Variants in MIOS observed in about 807,000 individuals in gnomAD.
The protein encoded by MIOS is meiosis regulator for oocyte development.
In MIOS, 52 loss-of-function variants were observed where a neutral mutation model predicts 96.9. The observed-to-expected ratio is 0.54, with a 90% confidence interval of 0.43 to 0.68. The LOEUF is 0.68. Ranked by LOEUF, MIOS falls within the 30% of genes least tolerant of loss-of-function variation. The probability of loss-of-function intolerance (pLI) is 0.00; values close to 1 mark genes in which losing one functional copy is unlikely to be tolerated. For missense variants in MIOS, 1,005 were observed against 1,052.8 expected (o/e 0.95, Z 0.63); for synonymous variants, 397 against 359.5 (o/e 1.10, Z -1.18).
intron 3 of MIOS, among the ~76,000 whole-genome samples, chr7:7,569,449 G>A (rs1335533926): frequency 6.6e-6 from 1 of 152,172 alleles, no homozygotes; most frequent in Admixed American, 6.5e-5. Flanking sequence ...TTTAAATCTT[G>A]GCCGGAGCCA....
intron 5 of MIOS, chr7:7,581,710 C>G (rs755696660): frequency 4.6e-5 from 7 of 152,218 alleles, no homozygotes; most frequent in Non-Finnish European, 7.3e-5. Flanking sequence ...TTCACAGTTC[C>G]TTGCCACGTG....
chr7:7,568,942 A>G (rs1358737532), intron 3 of MIOS, among the ~76,000 whole-genome samples: 1 of 152,246 alleles, frequency 6.6e-6, no homozygotes, highest in Admixed American at 6.5e-5. Flanking sequence ...ATGTAAATCA[A>G]AGTTTTAAAT....
intron 5 of MIOS, among the ~76,000 whole-genome samples, chr7:7,579,984 A>G (rs568599005): frequency 7.9e-5 from 12 of 152,372 alleles, no homozygotes; most frequent in African/African-American, 2.9e-4. Flanking sequence ...TTGAGAAATT[A>G]GAATATTATT....
intron 9 of MIOS, among the ~76,000 whole-genome samples, chr7:7,593,632 G>A (rs533448027): frequency 6.6e-6 from 1 of 151,958 alleles, no homozygotes. Flanking sequence ...GGTGACTCAT[G>A]CGTGTAATCC....
chr7:7,577,460 G>C (rs1207116938), intron 5 of MIOS, among the ~76,000 whole-genome samples: 2 of 152,190 alleles, frequency 1.3e-5, no homozygotes, highest in Non-Finnish European at 2.9e-5. Context: ...AAGATACGCA[G>C]TAGGAGGAGA....
At chr7:7,592,003 CAG>C (rs1784062502) in intron 9 of MIOS, among the ~76,000 whole-genome samples, 1 of 144,912 alleles carries the variant, frequency 6.9e-6, no homozygotes, top group East Asian at 2.0e-4. Context: ...TTTTTTAAGA[CAG>C]AGTCTTGCTG....
chr7:7,600,799 T>C (rs1485512862), intron 11 of MIOS, among the ~76,000 whole-genome samples: 1 of 152,166 alleles, frequency 6.6e-6, no homozygotes, highest in Non-Finnish European at 1.5e-5. Context: ...TTTTCCAAAA[T>C]TGACCACATA....
At position 7,601,512 on chromosome 7, in the gene MIOS, A is replaced by T. The variant is rs1289579765; in HGVS notation, c.2402-4430A>T. ...TCCTGGACACATACACCCTCCCAAGACTAAACCAGGAAGAAGTTGAATCTC... is the reference window on the plus strand; with the variant it reads ...TCCTGGACACATACACCCTCCCAAGTCTAAACCAGGAAGAAGTTGAATCTC... On this transcript the variant is annotated intron_variant, in intron 11 of 12. Transcript: ENST00000340080. Among the ~76,000 whole-genome samples, 18 of 152,316 alleles carry T rather than the reference A, an allele frequency of 1.2e-4. 1 individual carries two copies. The highest frequency in any genetic ancestry group is 4.1e-4 in the African/African-American group (17 of 41,564).
intron 9 of MIOS, among the ~76,000 whole-genome samples, chr7:7,593,119 A>T (rs1784097304): frequency 6.6e-6 from 1 of 152,306 alleles, no homozygotes; most frequent in South Asian, 2.1e-4. Flanking sequence ...TTCTTGCCAT[A>T]TAAGGGGAAA....
At chr7:7,595,163 T>G (rs773103468) in intron 10 of MIOS, 31 bp downstream of exon 10, 3 of 1,585,464 alleles carry the variant, frequency 1.9e-6, no homozygotes, top group South Asian at 2.3e-5. Context: ...AAAATCAAAT[T>G]GTAACATGTT....
chr7:7,589,875 A>G (rs1376813017), intron 9 of MIOS, among the ~76,000 whole-genome samples: 1 of 152,220 alleles, frequency 6.6e-6, no homozygotes, highest in East Asian at 1.9e-4. Context: ...CATCTTCTAC[A>G]AGAAAGATTG....
chr7:7,606,185 T>C, intron 12 of MIOS, 114 bp downstream of exon 12: 1 of 1,346,556 alleles, frequency 7.4e-7, no homozygotes. Context: ...AATTTTATTT[T>C]TTACTGTCAC....
At position 7,608,369 on chromosome 7, in the gene MIOS, C is replaced by T. The variant is rs1036917775; in HGVS notation, c.*1277C>T. The T allele has an allele frequency of 1.3e-5, 2 of 151,846 alleles. No individual in the cohort carries two copies. The allele number at this position is 151,846 out of a possible 1,614,324, so 9.4% of individuals were successfully genotyped here. ...AGAGCTTTCGTATTAGCAGTTTTGC[C>T]TTATAAAAACTAAGATTTGTCAGAT... On this transcript the variant is annotated 3_prime_UTR_variant, in exon 13 of 13. Coordinates refer to ENST00000340080, the MANE Select transcript of MIOS (RefSeq NM_019005.4).
chr7:7,600,023 G>A (rs900653653), intron 11 of MIOS, among the ~76,000 whole-genome samples: 1 of 152,058 alleles, frequency 6.6e-6, no homozygotes, highest in Non-Finnish European at 1.5e-5. Flanking sequence ...TTACTGGAGG[G>A]TGCTAGGTGG....
chr7:7,576,587 G>C (rs1472471064), intron 5 of MIOS, among the ~76,000 whole-genome samples: 1 of 152,128 alleles, frequency 6.6e-6, no homozygotes, highest in East Asian at 1.9e-4. Context: ...GAGGAAGTGA[G>C]GAAAGAATGG....
chr7:7,572,381 G>GT lies in MIOS; in HGVS notation c.-40-54dup. 2 of 888,824 alleles carry GT rather than the reference G, an allele frequency of 2.3e-6. No homozygotes were observed. Among genetic ancestry groups the GT allele is most frequent in the East Asian group, 2.7e-5 (1 of 36,826 alleles). 55.1% of individuals were successfully genotyped at this position (888,824 alleles called of 1,614,324 possible). ...TGACTTTCTGAATAGTTTATTCAACGTAAGAATTATATTTTGCTGATATTT... is the reference window on the plus strand; with the variant it reads ...TGACTTTCTGAATAGTTTATTCAACGTTAAGAATTATATTTTGCTGATATTT... On this transcript the variant is annotated intron_variant, in intron 3 of 12. Coordinates refer to ENST00000340080, the MANE Select transcript of MIOS (RefSeq NM_019005.4). This position sits in a 1 kb window ranked among gnomAD's most constrained non-coding sequence, Gnocchi z 4.8.
At chr7:7,578,045 T>G (rs1410885217) in intron 5 of MIOS, among the ~76,000 whole-genome samples, 2 of 151,930 alleles carry the variant, frequency 1.3e-5, no homozygotes, top group African/African-American at 4.8e-5. Flanking sequence ...TATAAGGAAG[T>G]GAGATTTTTG....
chr7:7,597,517 T>TATATATATATATATATAAA (rs372634070), intron 11 of MIOS, among the ~76,000 whole-genome samples: 6 of 70,426 alleles, frequency 8.5e-5, no homozygotes, highest in Non-Finnish European at 1.4e-4. Flanking sequence ...TATATATATA[T>TATATATATATATATATAAA]GAAGGCAATA....
Position 7,605,955 on chromosome 7 carries a change from A to G in MIOS, c.2415A>G (p.Ser805=), listed in dbSNP as rs1172441638. Reference sequence around the variant, plus strand: ...ATTTTGTCATAGGAGGAACCAAATCAGATGAAAAAGTGGACTTGAGCAAGG... The same window carrying G: ...ATTTTGTCATAGGAGGAACCAAATCGGATGAAAAAGTGGACTTGAGCAAGG... ...PVSSCPGGTK[S]DEKVDLSKDK... Residue 805 remains serine (S), a synonymous_variant, in exon 12 of 13, where the codon TCA becomes TCG. Coordinates refer to ENST00000340080, the MANE Select transcript of MIOS (RefSeq NM_019005.4). 2 of 1,613,602 alleles carry G rather than the reference A, an allele frequency of 1.2e-6. No homozygotes were observed. The highest frequency in any genetic ancestry group is 4.5e-5 in the East Asian group (2 of 44,836).
Sources: allele counts gnomAD v4.1 joint callset (sites outside exome capture counted in the v4.1 genomes callset), GRCh38; gene constraint gnomAD v4.1.1; non-coding constraint Gnocchi (gnomAD v3.1); transcripts MANE v1.5; gene names NCBI Gene and HGNC (gene_info 2026-07-23, HGNC 2026-07-21).